FOXO3: variants seen among roughly 807,000 people sequenced by gnomAD.
FOXO3 encodes the protein forkhead box protein O3.
FOXO3 carries 4 observed loss-of-function variants against 41.9 expected under a neutral mutation model. That is an observed-to-expected ratio of 0.10 (90% CI 0.05 to 0.22). The LOEUF is 0.22. Among genes scored for constraint, FOXO3 ranks in the 10% least tolerant of loss-of-function variants. The pLI, the probability that FOXO3 is intolerant of heterozygous loss-of-function variation, is 1.00. For synonymous variants in FOXO3, 318 were observed against 389.3 expected (o/e 0.82, Z 2.16); for missense variants, 534 against 906.8 (o/e 0.59, Z 5.28).
intron 2 of FOXO3, among the ~76,000 whole-genome samples, chr6:108,679,416 T>C (rs1231825150): frequency 1.3e-5 from 2 of 152,104 alleles, no homozygotes; most frequent in Non-Finnish European, 2.9e-5. Context: ...GATGAGCGGC[T>C]CTCCTTGTTT....
chr6:108,565,206 A>G (rs1271782381), intron 1 of FOXO3, among the ~76,000 whole-genome samples: 2 of 152,210 alleles, frequency 1.3e-5, no homozygotes, highest in African/African-American at 4.8e-5. Flanking sequence ...CTTAGGAACT[A>G]TGAAGTGATA....
chr6:108,621,418 A>G (rs944690967), intron 1 of FOXO3, among the ~76,000 whole-genome samples: 1 of 152,234 alleles, frequency 6.6e-6, no homozygotes, highest in African/African-American at 2.4e-5. Flanking sequence ...TGGCAGGAGC[A>G]CAGTTCAAAA....
At chr6:108,619,960 CAT>C (rs1010615904) in intron 1 of FOXO3, among the ~76,000 whole-genome samples, 21 of 152,324 alleles carry the variant, frequency 1.4e-4, no homozygotes, top group African/African-American at 5.1e-4. Context: ...CTTGAGGTTT[CAT>C]ATCCTAAACC....
chr6:108,589,493 C>G (rs1776673325), intron 1 of FOXO3, among the ~76,000 whole-genome samples: 1 of 152,254 alleles, frequency 6.6e-6, no homozygotes, highest in African/African-American at 2.4e-5. Context: ...TCCTGACTGT[C>G]TTGGAAAGTT....
At chr6:108,574,511 G>A (rs954079118) in intron 1 of FOXO3, among the ~76,000 whole-genome samples, 1 of 152,096 alleles carries the variant, frequency 6.6e-6, no homozygotes, top group Admixed American at 6.5e-5. Flanking sequence ...AGGAGTTCTT[G>A]GCAGAAGTTT....
intron 1 of FOXO3, among the ~76,000 whole-genome samples, chr6:108,653,272 A>T (rs1190695715): frequency 6.6e-6 from 1 of 152,214 alleles, no homozygotes; most frequent in Non-Finnish European, 1.5e-5. Flanking sequence ...TTCAATGGTT[A>T]AACAGATACA....
At chr6:108,647,667 G>A (rs1034079312) in intron 1 of FOXO3, among the ~76,000 whole-genome samples, 3 of 152,094 alleles carry the variant, frequency 2.0e-5, no homozygotes, top group Admixed American at 6.5e-5. Context: ...GTAGATGTCC[G>A]TGAACACCAT....
At chr6:108,565,843 T>C (rs1775934305) in intron 1 of FOXO3, among the ~76,000 whole-genome samples, 2 of 152,230 alleles carry the variant, frequency 1.3e-5, no homozygotes, top group Non-Finnish European at 2.9e-5. Context: ...GAAAATGTTA[T>C]TTTAACTGCA....
chr6:108,663,044 AT>A (rs948757100), intron 1 of FOXO3, among the ~76,000 whole-genome samples: 6 of 151,882 alleles, frequency 4.0e-5, no homozygotes. Flanking sequence ...ATTAGGATGG[AT>A]TTTTTTTAAC....
chr6:108,670,867 C>T (rs151280189), intron 2 of FOXO3, among the ~76,000 whole-genome samples: 89 of 152,238 alleles, frequency 5.8e-4, no homozygotes, highest in African/African-American at 2.0e-3. Flanking sequence ...GCTAGCTGCC[C>T]GGCAAAGTGG....
chr6:108,643,854 A>G (rs1045400615), intron 1 of FOXO3, among the ~76,000 whole-genome samples: 3 of 152,172 alleles, frequency 2.0e-5, no homozygotes, highest in Non-Finnish European at 4.4e-5. Flanking sequence ...TTAGGATGGA[A>G]TGATTTTCAT....
intron 1 of FOXO3, among the ~76,000 whole-genome samples, chr6:108,564,403 T>G (rs1339110237): frequency 6.6e-6 from 1 of 152,252 alleles, no homozygotes; most frequent in Non-Finnish European, 1.5e-5. Flanking sequence ...TTGTCATGAT[T>G]AGTCATTTTG....
intron 1 of FOXO3, among the ~76,000 whole-genome samples, chr6:108,589,463 C>T (rs574084644): frequency 2.0e-5 from 3 of 152,368 alleles, no homozygotes; most frequent in African/African-American, 4.8e-5. Flanking sequence ...CTCCTGCCAG[C>T]ATTCTCTCAG....
intron 1 of FOXO3, among the ~76,000 whole-genome samples, chr6:108,615,886 T>G (rs1777486158): frequency 6.6e-6 from 1 of 152,110 alleles, no homozygotes; most frequent in Non-Finnish European, 1.5e-5. Context: ...ATTTTTAAAT[T>G]TATTTTTCTT....
At chr6:108,630,152 A>G (rs1777925253) in intron 1 of FOXO3, among the ~76,000 whole-genome samples, 1 of 152,206 alleles carries the variant, frequency 6.6e-6, no homozygotes, top group African/African-American at 2.4e-5. Context: ...TGGAAAGGGG[A>G]AGATCTGGTG....
chr6:108,582,133 C>T (rs920943200), intron 1 of FOXO3, among the ~76,000 whole-genome samples: 1 of 152,208 alleles, frequency 6.6e-6, no homozygotes, highest in African/African-American at 2.4e-5. Flanking sequence ...ACTCCTAACC[C>T]TCACAGGAAT....
intron 1 of FOXO3, among the ~76,000 whole-genome samples, chr6:108,578,833 G>A (rs529176231): frequency 3.5e-4 from 54 of 152,256 alleles, no homozygotes; most frequent in African/African-American, 1.3e-3. Context: ...CACGGCTCTC[G>A]TGATGAAGTC....
At chr6:108,577,105 A>G (rs1007868650) in intron 1 of FOXO3, among the ~76,000 whole-genome samples, 3 of 152,036 alleles carry the variant, frequency 2.0e-5, no homozygotes, top group Non-Finnish European at 4.4e-5. Flanking sequence ...TGAGGGAGAA[A>G]TTTTATTGTT....
chr6:108,621,556 G>A (rs1356929344), intron 1 of FOXO3, among the ~76,000 whole-genome samples: 1 of 151,568 alleles, frequency 6.6e-6, no homozygotes, highest in African/African-American at 2.4e-5. Flanking sequence ...TTTTTGTTTT[G>A]TTTTGTTTTT....
Sources: allele counts gnomAD v4.1 joint callset (sites outside exome capture counted in the v4.1 genomes callset), GRCh38; gene constraint gnomAD v4.1.1; transcripts MANE v1.5; gene names NCBI Gene and HGNC (gene_info 2026-07-23, HGNC 2026-07-21).